Variants in STPG2 observed in about 807,000 individuals in gnomAD.
The protein encoded by STPG2 is sperm-tail PG-rich repeat-containing protein 2.
Under a neutral mutation model 54.2 loss-of-function variants are expected in STPG2, and 56 were observed. That is an observed-to-expected ratio of 1.03 (90% CI 0.83 to 1.29). The LOEUF is 1.29. Ranked by LOEUF, STPG2 falls within the 50% of genes most tolerant of loss-of-function variation. The pLI is 0.00. For synonymous variants in STPG2, 200 were observed against 181.8 expected, an observed-to-expected ratio of 1.10 and a Z score of -0.81; for missense variants, 596 against 544.9, an observed-to-expected ratio of 1.09 and a Z score of -0.93.
chr4:97,671,269 A>G (rs1722686818), intron 10 of STPG2, among the ~76,000 whole-genome samples: 1 of 152,214 alleles, frequency 6.6e-6, no homozygotes, highest in African/African-American at 2.4e-5. Context: ...CATGTCATAT[A>G]TATCTACCAA....
At chr4:97,652,994 CAGTAGGAGTTAAATTTAAATATGT>C (rs1294526849) in intron 10 of STPG2, among the ~76,000 whole-genome samples, 1 of 151,710 alleles carries the variant, frequency 6.6e-6, no homozygotes, top group Non-Finnish European at 1.5e-5. Context: ...ATTTTTTCAA[CAGTAGGAGTTAAATTTAAATATGT>C]AAACAAAAGT....
chr4:97,631,906 G>T (rs902015854), intron 10 of STPG2, among the ~76,000 whole-genome samples: 2 of 151,974 alleles, frequency 1.3e-5, no homozygotes, highest in Non-Finnish European at 2.9e-5. Flanking sequence ...AATAAGAAAA[G>T]ATAGATTAAA....
At chr4:97,793,837 C>T (rs1727084261) in intron 9 of STPG2, among the ~76,000 whole-genome samples, 1 of 151,714 alleles carries the variant, frequency 6.6e-6, no homozygotes, top group Admixed American at 6.6e-5. Context: ...TTTATATGTC[C>T]CAAATCAGTA....
intron 4 of STPG2, among the ~76,000 whole-genome samples, chr4:97,480,507 A>T (rs991464357): frequency 6.6e-6 from 1 of 151,576 alleles, no homozygotes; most frequent in African/African-American, 2.4e-5. Context: ...AAACATTATA[A>T]AAAACATATT....
At chr4:97,643,470 T>G (rs1386177400) in intron 10 of STPG2, among the ~76,000 whole-genome samples, 1 of 151,746 alleles carries the variant, frequency 6.6e-6, no homozygotes, top group Non-Finnish European at 1.5e-5. Flanking sequence ...AAACAGATTT[T>G]GATACTCTTA....
chr4:97,857,507 C>T (rs1001016504), intron 8 of STPG2, among the ~76,000 whole-genome samples: 1 of 151,852 alleles, frequency 6.6e-6, no homozygotes, highest in Non-Finnish European at 1.5e-5. Flanking sequence ...TGGTGATATC[C>T]CCTTATTTCC....
Position 97,638,280 on chromosome 4 carries a change from T to C in STPG2, c.1320+74419A>G, listed in dbSNP as rs562819323. Among the ~76,000 whole-genome samples, 18 of 152,294 alleles carry C rather than the reference T, an allele frequency of 1.2e-4. 1 individual carries two copies. The South Asian group carries it at 3.5e-3, about 30-fold the overall frequency. On this transcript the variant is annotated intron_variant, in intron 10 of 10. Transcript: ENST00000295268. Reference sequence around the variant, plus strand: ...ATTTAATAAATGGTACTGGGAAAACTGGCTAGCCATATGTAGAAAGCTGAA... The same window carrying C: ...ATTTAATAAATGGTACTGGGAAAACCGGCTAGCCATATGTAGAAAGCTGAA...
chr4:97,585,921 G>C (rs1389981778), intron 10 of STPG2, among the ~76,000 whole-genome samples: 3 of 151,710 alleles, frequency 2.0e-5, no homozygotes, highest in Non-Finnish European at 2.9e-5. Flanking sequence ...GAAAAAAATA[G>C]ATGAAATGTC....
At chr4:97,683,994 C>CA (rs1213235843) in intron 10 of STPG2, among the ~76,000 whole-genome samples, 1 of 151,772 alleles carries the variant, frequency 6.6e-6, no homozygotes, top group African/African-American at 2.4e-5. Flanking sequence ...AATTAAAACA[C>CA]AATGCCATTT....
At chr4:97,635,871 G>C (rs1721500831) in intron 10 of STPG2, among the ~76,000 whole-genome samples, 2 of 151,970 alleles carry the variant, frequency 1.3e-5, no homozygotes, top group Admixed American at 6.5e-5. Flanking sequence ...AAGAGACTTA[G>C]ACTCCCACAC....
intron 1 of STPG2, among the ~76,000 whole-genome samples, chr4:98,137,549 A>G (rs1343784572): frequency 6.6e-6 from 1 of 151,774 alleles, no homozygotes; most frequent in African/African-American, 2.4e-5. Flanking sequence ...TCTATCTCAC[A>G]ATAAAAGGGT....
chr4:97,693,550 C>A (rs1028340457), intron 10 of STPG2, among the ~76,000 whole-genome samples: 1 of 151,936 alleles, frequency 6.6e-6, no homozygotes. Flanking sequence ...ACTACTAGAC[C>A]AAGAAATGAG....
intron 9 of STPG2, among the ~76,000 whole-genome samples, chr4:97,726,638 A>G (rs1038668362): frequency 3.3e-5 from 5 of 151,974 alleles, no homozygotes; most frequent in African/African-American, 1.2e-4. Flanking sequence ...CTTTGGTGCC[A>G]CAGAAAGAAA....
At chr4:97,574,531 CT>C (rs1732674509) in intron 10 of STPG2, among the ~76,000 whole-genome samples, 2 of 151,896 alleles carry the variant, frequency 1.3e-5, no homozygotes, top group African/African-American at 4.8e-5. Flanking sequence ...TGTTCAGATT[CT>C]TTTTGGCATC....
chr4:97,928,924 T>G (rs1371847699), intron 8 of STPG2, among the ~76,000 whole-genome samples: 1 of 152,180 alleles, frequency 6.6e-6, no homozygotes, highest in Non-Finnish European at 1.5e-5. Flanking sequence ...ATGTGAAGGT[T>G]TGTTACATAG....
intron 9 of STPG2, among the ~76,000 whole-genome samples, chr4:97,766,908 A>G (rs1277033550): frequency 1.2e-4 from 18 of 152,006 alleles, no homozygotes; most frequent in Admixed American, 1.2e-3. Flanking sequence ...TATTTTTTCA[A>G]GCAGGTAGTG....
intron 8 of STPG2, among the ~76,000 whole-genome samples, chr4:97,904,709 A>G (rs910571142): frequency 6.6e-6 from 1 of 152,224 alleles, no homozygotes; most frequent in African/African-American, 2.4e-5. Context: ...AAAACTTTGA[A>G]AAAAATTTAG....
intron 8 of STPG2, among the ~76,000 whole-genome samples, chr4:97,861,379 T>C (rs1457960962): frequency 6.6e-6 from 1 of 152,154 alleles, no homozygotes; most frequent in Non-Finnish European, 1.5e-5. Context: ...AGGGAGCCTT[T>C]GGCCACTGTT....
chr4:97,484,306 T>G (rs1730300944), intron 4 of STPG2, among the ~76,000 whole-genome samples: 1 of 151,288 alleles, frequency 6.6e-6, no homozygotes, highest in South Asian at 2.1e-4. Flanking sequence ...TAAATAAAAT[T>G]GAAAGATCAT....
Sources: allele counts gnomAD v4.1 joint callset (sites outside exome capture counted in the v4.1 genomes callset), GRCh38; gene constraint gnomAD v4.1.1; transcripts MANE v1.5; gene names NCBI Gene and HGNC (gene_info 2026-07-23, HGNC 2026-07-21).